The following CEP41 variants were observed in gnomAD, a reference collection of about 807,000 sequenced individuals.
CEP41 encodes centrosomal protein of 41 kDa.
A neutral mutation model predicts 44.3 loss-of-function variants in CEP41; 32 were observed. The ratio of observed to expected loss-of-function variants is 0.72; its 90% CI spans 0.54 to 0.97. The LOEUF is 0.97. Among genes scored for constraint, CEP41 ranks in the 50% least tolerant of loss-of-function variants. The pLI, the probability that CEP41 is intolerant of heterozygous loss-of-function variation, is 0.00. For synonymous variants in CEP41, 151 were observed against 168.5 expected, an observed-to-expected ratio of 0.90 and a Z score of 0.80; for missense variants, 432 against 455.2, an observed-to-expected ratio of 0.95 and a Z score of 0.46.
chr7:130,437,764 C>CAAAAAAAAAAAAAAAAAAAAAAAAAAAAA (rs1171735164), intron 1 of CEP41, among the ~76,000 whole-genome samples: 1 of 32,426 alleles, frequency 3.1e-5, no homozygotes, highest in African/African-American at 1.2e-4. Flanking sequence ...AAGACTGTCT[C>CAAAAAAAAAAAAAAAAAAAAAAAAAAAAA]AAAAAAAAAA....
intron 1 of CEP41, among the ~76,000 whole-genome samples, chr7:130,438,315 T>C (rs1798036556): frequency 6.6e-6 from 1 of 152,144 alleles, no homozygotes; most frequent in Non-Finnish European, 1.5e-5. Flanking sequence ...ACCAGCACTT[T>C]GGGAGGCCAA....
intron 8 of CEP41, 59 bp from the exon 9 acceptor site, chr7:130,400,880 A>G: frequency 8.9e-7 from 1 of 1,120,000 alleles, no homozygotes; most frequent in South Asian, 1.3e-5. Flanking sequence ...AGACTACGAG[A>G]AACCCCCAAG....
intron 2 of CEP41, among the ~76,000 whole-genome samples, chr7:130,423,818 A>G (rs1475303162): frequency 2.6e-5 from 4 of 152,228 alleles, no homozygotes; most frequent in African/African-American, 7.2e-5. Flanking sequence ...TACAGCATAC[A>G]TGAATCTTGA....
At chr7:130,426,996 C>T (rs996479291) in intron 2 of CEP41, 1 of 159,696 alleles carries the variant, frequency 6.3e-6, no homozygotes, top group African/African-American at 2.4e-5. Context: ...CAAGAAATAG[C>T]ATCTGCAAAT....
intron 1 of CEP41, among the ~76,000 whole-genome samples, chr7:130,434,797 T>A (rs1439365888): frequency 6.6e-6 from 1 of 152,170 alleles, no homozygotes; most frequent in Non-Finnish European, 1.5e-5. Flanking sequence ...ACATTAAATA[T>A]ATGGGAGCAG....
At chr7:130,424,971 C>T (rs1355894370) in intron 2 of CEP41, among the ~76,000 whole-genome samples, 1 of 152,114 alleles carries the variant, frequency 6.6e-6, no homozygotes, top group African/African-American at 2.4e-5. Flanking sequence ...GGATCAGTAG[C>T]TAGAATGTAT....
intron 1 of CEP41, chr7:130,440,662 G>A: frequency 8.4e-6 from 5 of 593,620 alleles, no homozygotes; most frequent in Non-Finnish European, 1.5e-5. Flanking sequence ...CCATTTGAGG[G>A]CAAGGGCTGT....
chr7:130,399,723 T>C, intron 10 of CEP41: 1 of 313,356 alleles, frequency 3.2e-6, no homozygotes, highest in South Asian at 3.2e-5. Flanking sequence ...GGGAGGCTGA[T>C]GTGGGAGAAT....
chr7:130,432,588 C>CGAA (rs1233501766), intron 1 of CEP41, among the ~76,000 whole-genome samples: 1 of 59,946 alleles, frequency 1.7e-5, no homozygotes, highest in African/African-American at 6.8e-5. Flanking sequence ...TTTGTTTCCA[C>CGAA]AAAAAAAAAA....
intron 4 of CEP41, 147 bp downstream of exon 4, chr7:130,412,032 A>T: frequency 1.4e-6 from 1 of 726,320 alleles, no homozygotes. Flanking sequence ...CACACACCAC[A>T]TACCAATTAA....
In CEP41 at chr7:130,416,865, T is replaced by C. The variant is rs1411594700; in HGVS notation, c.145+54A>G. On this transcript the variant is annotated intron_variant, in intron 3 of 10. Transcript: ENST00000223208. Reference sequence around the variant, plus strand: ...ACACAATTGTTAGTTAAGAACCAATTTATAGAACAACTATAGACTTCCACT... The same window carrying C: ...ACACAATTGTTAGTTAAGAACCAATCTATAGAACAACTATAGACTTCCACT... 3.0e-6 allele frequency: 4 copies of C among 1,347,166 alleles called. No individual in the cohort carries two copies. The African/African-American group carries it at 5.8e-5, about 19-fold the overall frequency. The allele number at this position is 1,347,166 out of a possible 1,614,324, so 83.5% of individuals were successfully genotyped here.
chr7:130,411,277 A>G lies in CEP41; in HGVS notation c.208-86T>C. 3 of 1,035,898 alleles carry G rather than the reference A, an allele frequency of 2.9e-6. No individual in the cohort carries two copies. In the South Asian group the frequency reaches 3.8e-5, roughly 13 times the overall value. The allele number at this position is 1,035,898 out of a possible 1,614,324, so 64.2% of individuals were successfully genotyped here. ...GTCTTTTACAAAAGACGAGGGAACAACAAACATCAAAGATCTGTTGTTTTA... is the reference window on the plus strand; with the variant it reads ...GTCTTTTACAAAAGACGAGGGAACAGCAAACATCAAAGATCTGTTGTTTTA... On this transcript the variant is annotated intron_variant, in intron 4 of 10. Coordinates refer to ENST00000223208, the MANE Select transcript of CEP41 (RefSeq NM_018718.3).
At chr7:130,438,268 T>C (rs1554426685) in intron 1 of CEP41, among the ~76,000 whole-genome samples, 1 of 152,160 alleles carries the variant, frequency 6.6e-6, no homozygotes, top group Non-Finnish European at 1.5e-5. Flanking sequence ...ATCAAAATAG[T>C]AACTATTGGC....
Position 130,395,230 on chromosome 7 carries a change from A to G in CEP41, c.*3661T>C, listed in dbSNP as rs1554414009. 1 of 452,224 alleles carries G rather than the reference A, an allele frequency of 2.2e-6. No homozygotes were observed. Among genetic ancestry groups the G allele is most frequent in the South Asian group, 1.6e-5 (1 of 64,232 alleles). The allele number at this position is 452,224 out of a possible 1,614,324, so 28.0% of individuals were successfully genotyped here. Reference sequence around the variant, plus strand: ...AATGTATTCTGAACATTTTGGAAGCACAATGTTATTTATTGCTTTTGCATG... The same window carrying G: ...AATGTATTCTGAACATTTTGGAAGCGCAATGTTATTTATTGCTTTTGCATG... On this transcript the variant is annotated 3_prime_UTR_variant, in exon 11 of 11. Coordinates refer to ENST00000223208, the MANE Select transcript of CEP41 (RefSeq NM_018718.3).
At chr7:130,400,844 T>A in intron 8 of CEP41, 23 bp from the exon 9 acceptor site, 1 of 1,493,642 alleles carries the variant, frequency 6.7e-7, no homozygotes, top group Non-Finnish European at 9.3e-7. Context: ...TGAGTTAAGG[T>A]TCCAAGGCAC....
rs1797314362 is a variant in CEP41, at chr7:130,415,664, T to C, written c.145+1255A>G. On this transcript the variant is annotated intron_variant, in intron 3 of 10. Coordinates refer to ENST00000223208, the MANE Select transcript of CEP41 (RefSeq NM_018718.3). ...GGGACATTTTTATGGGACAAATTTC[T>C]AGTGAGGACATGTGAACTCACACTC... Among the ~76,000 whole-genome samples, 4 of 152,142 alleles carry C rather than the reference T, an allele frequency of 2.6e-5. No individual in the cohort carries two copies. In the South Asian group the frequency reaches 8.3e-4, roughly 31 times the overall value.
At chr7:130,425,474 T>C (rs558176194) in intron 2 of CEP41, among the ~76,000 whole-genome samples, 2 of 152,304 alleles carry the variant, frequency 1.3e-5, no homozygotes, top group Admixed American at 1.3e-4. Flanking sequence ...GCTATCAGAA[T>C]GGCCAAAATA....
At chr7:130,408,462 A>G (rs1415567282) in intron 5 of CEP41, among the ~76,000 whole-genome samples, 1 of 152,260 alleles carries the variant, frequency 6.6e-6, no homozygotes, top group Non-Finnish European at 1.5e-5. Context: ...AAGAAGAAAT[A>G]TGTATTTATG....
chr7:130,424,553 C>A (rs887055895), intron 2 of CEP41, among the ~76,000 whole-genome samples: 3 of 151,986 alleles, frequency 2.0e-5, no homozygotes, highest in Non-Finnish European at 2.9e-5. Context: ...CAGAAATAGA[C>A]CCACGTAAAT....
Sources: gnomAD v4.1 joint callset for allele counts (sites outside exome capture counted in the v4.1 genomes callset) on GRCh38, gnomAD v4.1.1 for gene constraint, MANE v1.5 for transcripts, NCBI Gene and HGNC (gene_info 2026-07-23, HGNC 2026-07-21) for gene names.